Variants in TENM2 observed in about 807,000 individuals in gnomAD.
TENM2 encodes teneurin-2.
In TENM2, 52 loss-of-function variants were observed where a neutral mutation model predicts 245.2. The ratio of observed to expected loss-of-function variants is 0.21; its 90% CI spans 0.17 to 0.27. The LOEUF is 0.27. Among genes scored for constraint, TENM2 ranks in the 10% least tolerant of loss-of-function variants. TENM2 has a pLI of 1.00. For synonymous variants in TENM2, 1,363 were observed against 1,438.9 expected (o/e 0.95, Z 1.19); for missense variants, 3,046 against 3,666.8 (o/e 0.83, Z 4.37).
At chr5:167,793,694 A>G (rs1385284495) in intron 2 of TENM2, among the ~76,000 whole-genome samples, 3 of 151,850 alleles carry the variant, frequency 2.0e-5, no homozygotes. Flanking sequence ...AAATTAGCCA[A>G]TCATGGTGGC....
At chr5:167,717,175 C>T (rs1223752626) in intron 2 of TENM2, among the ~76,000 whole-genome samples, 2 of 151,916 alleles carry the variant, frequency 1.3e-5, no homozygotes, top group South Asian at 2.1e-4. Context: ...AGGCTGGCCT[C>T]GAACTCCTGG....
chr5:168,097,921 T>G, intron 8 of TENM2, 105 bp from the exon 11 acceptor site: 43 of 746,968 alleles, frequency 5.8e-5, no homozygotes, highest in Middle Eastern at 2.4e-4. Flanking sequence ...GACAGGCATC[T>G]GAGATTACTA....
At chr5:167,508,804 C>A (rs768969215) in intron 2 of TENM2, among the ~76,000 whole-genome samples, 1 of 152,092 alleles carries the variant, frequency 6.6e-6, no homozygotes, top group Non-Finnish European at 1.5e-5. Flanking sequence ...CAATTTTTCC[C>A]TAATATCTGA....
chr5:167,822,922 C>T (rs976687355), intron 2 of TENM2, among the ~76,000 whole-genome samples: 3 of 152,112 alleles, frequency 2.0e-5, no homozygotes, highest in African/African-American at 7.2e-5. Context: ...GACGTTGGAA[C>T]CATTTGTTAG....
At chr5:167,216,853 G>T in the TENM2 span, among the ~76,000 whole-genome samples, 13 of 152,040 alleles carry the variant, frequency 8.6e-5, no homozygotes, top group African/African-American at 3.1e-4. Context: ...CTTCAGCTCA[G>T]GAGGAGGAGG....
chr5:167,601,762 T>C (rs1000341546), intron 2 of TENM2, among the ~76,000 whole-genome samples: 1 of 152,232 alleles, frequency 6.6e-6, no homozygotes, highest in African/African-American at 2.4e-5. Flanking sequence ...TTGATTAATA[T>C]AATTTATTGC....
intron 2 of TENM2, among the ~76,000 whole-genome samples, chr5:167,594,788 A>G (rs1030320724): frequency 6.6e-6 from 1 of 152,146 alleles, no homozygotes; most frequent in Non-Finnish European, 1.5e-5. Context: ...CTTCGATCAT[A>G]TGTTATCCCA....
chr5:167,921,800 A>G (rs556894971), intron 3 of TENM2, among the ~76,000 whole-genome samples: 2 of 152,344 alleles, frequency 1.3e-5, no homozygotes, highest in African/African-American at 4.8e-5. Flanking sequence ...CAGACATTGT[A>G]CAAAGATTAC....
chr5:168,127,891 A>G (rs1795968681), intron 12 of TENM2, among the ~76,000 whole-genome samples: 4 of 152,162 alleles, frequency 2.6e-5, no homozygotes, highest in Non-Finnish European at 4.4e-5. Flanking sequence ...TGGCCCCTTG[A>G]AGTTACCTTT....
intron 2 of TENM2, among the ~76,000 whole-genome samples, chr5:167,770,231 G>A (rs1763314097): frequency 6.6e-6 from 1 of 152,148 alleles, no homozygotes; most frequent in Admixed American, 6.5e-5. Flanking sequence ...TGTAGTCGTG[G>A]GAATCAATTG....
intron 2 of TENM2, among the ~76,000 whole-genome samples, chr5:167,640,105 G>A (rs1451805805): frequency 6.6e-6 from 1 of 152,112 alleles, no homozygotes; most frequent in Non-Finnish European, 1.5e-5. Flanking sequence ...GGTTGTGGTT[G>A]TTGAGATATA....
intron 2 of TENM2, among the ~76,000 whole-genome samples, chr5:167,802,028 A>T (rs1447668672): frequency 2.0e-5 from 3 of 152,162 alleles, no homozygotes; most frequent in African/African-American, 7.2e-5. Flanking sequence ...ATGAAGGCTC[A>T]TTCCCCGTAG....
intron 25 of TENM2, among the ~76,000 whole-genome samples, chr5:168,231,406 C>T (rs1426560141): frequency 6.6e-6 from 1 of 151,918 alleles, no homozygotes; most frequent in East Asian, 1.9e-4. Context: ...GGCCAAGAGG[C>T]CAAAAAGGGA....
At chr5:167,646,202 T>TATATATATATATATGTTGTTTTC in intron 2 of TENM2, among the ~76,000 whole-genome samples, 1 of 105,418 alleles carries the variant, frequency 9.5e-6, no homozygotes, top group African/African-American at 6.5e-5. Flanking sequence ...GTTGTTTTCA[T>TATATATATATATATGTTGTTTTC]ATATATATAT....
chr5:168,063,660 T>G (rs1408752453), intron 7 of TENM2, among the ~76,000 whole-genome samples: 4 of 152,134 alleles, frequency 2.6e-5, no homozygotes, highest in Admixed American at 1.3e-4. Context: ...GGCTACAATT[T>G]CTTTACCTTT....
At chr5:168,263,193 C>A, downstream of TENM2, 1 of 176,328 alleles carries the variant, frequency 5.7e-6, no homozygotes, top group Non-Finnish European at 1.2e-5. Flanking sequence ...AAAAACAAAA[C>A]AAAACAAACA....
At chr5:167,040,198 A>C in the TENM2 span, among the ~76,000 whole-genome samples, 1 of 152,038 alleles carries the variant, frequency 6.6e-6, no homozygotes, top group South Asian at 2.1e-4. Flanking sequence ...AAAACTTTCT[A>C]GGAATGGTGT....
chr5:168,047,582 G>A (rs745340127), intron 6 of TENM2, 33 bp downstream of exon 8: 2 of 1,547,626 alleles, frequency 1.3e-6, no homozygotes, highest in South Asian at 2.4e-5. Flanking sequence ...CCCTCTTGAG[G>A]TCACAGGAAA....
At position 167,801,095 on chromosome 5, in the gene TENM2, G is replaced by GA. The variant is rs1176405769; in HGVS notation, c.503-74876dup. 5.4e-3 allele frequency among the ~76,000 whole-genome samples: 274 copies of GA among 50,666 alleles called. 9 individuals carry two copies. The highest frequency in any genetic ancestry group is 0.017 in the East Asian group (18 of 1,046). 33.2% of individuals were successfully genotyped at this position (50,666 alleles called of 152,430 possible). On this transcript the variant is annotated intron_variant, in intron 2 of 28. Coordinates refer to ENST00000518659, the Ensembl canonical transcript of TENM2. ...CCTATACTTTGAATGTATTTGAAAA[G>GA]AAAAAAAAAAAAAAATATATATATA...
Sources: allele counts gnomAD v4.1 joint callset (sites outside exome capture counted in the v4.1 genomes callset), GRCh38; gene constraint gnomAD v4.1.1; transcripts MANE v1.5; gene names NCBI Gene and HGNC (gene_info 2026-07-23, HGNC 2026-07-21).